NRXN1: variants seen among roughly 807,000 people sequenced by gnomAD.
NRXN1 encodes the protein neurexin-1.
Under a neutral mutation model 150.9 loss-of-function variants are expected in NRXN1, and 39 were observed. The ratio of observed to expected loss-of-function variants is 0.26; its 90% CI spans 0.20 to 0.34. NRXN1 has a LOEUF of 0.34. Among genes scored for constraint, NRXN1 ranks in the 10% least tolerant of loss-of-function variants. The probability of loss-of-function intolerance (pLI) is 1.00; values close to 1 mark genes in which losing one functional copy is unlikely to be tolerated. For synonymous variants in NRXN1, 924 were observed against 757.0 expected (o/e 1.22, Z -3.62); for missense variants, 1,815 against 1,949.9 (o/e 0.93, Z 1.30).
chr2:50,260,740 C>T (rs2068182026), intron 17 of NRXN1, among the ~76,000 whole-genome samples: 2 of 148,102 alleles, frequency 1.4e-5, no homozygotes, highest in South Asian at 4.2e-4. Flanking sequence ...AGTATCAGAG[C>T]AGTGTTAATC....
intron 17 of NRXN1, among the ~76,000 whole-genome samples, chr2:50,400,716 T>A (rs2082337715): frequency 6.6e-6 from 1 of 152,162 alleles, no homozygotes; most frequent in Admixed American, 6.5e-5. Context: ...AGAAAGTATC[T>A]GCTAGAATTC....
intron 5 of NRXN1, among the ~76,000 whole-genome samples, chr2:50,909,563 T>C (rs1343645474): frequency 1.3e-5 from 2 of 152,018 alleles, no homozygotes; most frequent in African/African-American, 2.4e-5. Context: ...TTAAGTGTTA[T>C]CTCTGAGTCC....
At chr2:50,678,430 G>A (rs1689853466) in intron 5 of NRXN1, among the ~76,000 whole-genome samples, 1 of 152,092 alleles carries the variant, frequency 6.6e-6, no homozygotes, top group South Asian at 2.1e-4. Context: ...CAGCTATAAT[G>A]GAAAGTACAA....
chr2:50,458,648 T>C (rs6545171), intron 17 of NRXN1, among the ~76,000 whole-genome samples: 83,556 of 151,332 alleles, frequency 0.55, 26,730 homozygotes, highest in East Asian at 0.92. Flanking sequence ...GGCACAATCT[T>C]GGCTCACTGC....
At chr2:50,579,249 A>G (rs1671889211) in intron 8 of NRXN1, among the ~76,000 whole-genome samples, 1 of 152,142 alleles carries the variant, frequency 6.6e-6, no homozygotes, top group Admixed American at 6.6e-5. Context: ...TCTGATACTA[A>G]GTCTAGGATG....
chr2:50,828,532 G>A (rs1420871006), intron 5 of NRXN1, among the ~76,000 whole-genome samples: 3 of 148,194 alleles, frequency 2.0e-5, no homozygotes, highest in Admixed American at 6.7e-5. Flanking sequence ...GGGCAGAGAC[G>A]CTCCTCACCT....
intron 22 of NRXN1, among the ~76,000 whole-genome samples, chr2:49,936,331 G>A (rs532128528): frequency 2.0e-5 from 3 of 152,288 alleles, no homozygotes; most frequent in African/African-American, 4.8e-5. Context: ...AATGCCTTAT[G>A]AGCGACCTCA....
chr2:50,472,056 AGGC>A (rs1336817964), intron 16 of NRXN1, among the ~76,000 whole-genome samples: 33 of 90,676 alleles, frequency 3.6e-4, no homozygotes, highest in East Asian at 8.8e-4. Context: ...AAGCAAAAAC[AGGC>A]AAAAAAACCA....
At chr2:50,449,157 C>T (rs565791753) in intron 17 of NRXN1, among the ~76,000 whole-genome samples, 8 of 152,236 alleles carry the variant, frequency 5.3e-5, no homozygotes, top group African/African-American at 1.2e-4. Context: ...AATGCATAGA[C>T]GCAGGAATGC....
chr2:50,703,605 G>A (rs184556260), intron 5 of NRXN1, among the ~76,000 whole-genome samples: 6 of 152,142 alleles, frequency 3.9e-5, no homozygotes, highest in Non-Finnish European at 8.8e-5. Context: ...GAAACCCATG[G>A]AGTGCCATAA....
At chr2:50,832,335 T>G (rs1295566477) in intron 5 of NRXN1, among the ~76,000 whole-genome samples, 1 of 152,126 alleles carries the variant, frequency 6.6e-6, no homozygotes, top group African/African-American at 2.4e-5. Flanking sequence ...TATGGATTAA[T>G]TGATTTGGGA....
chr2:50,870,762 A>G (rs1677658040), intron 5 of NRXN1, among the ~76,000 whole-genome samples: 1 of 151,664 alleles, frequency 6.6e-6, no homozygotes, highest in Non-Finnish European at 1.5e-5. Context: ...TTTTTCACTC[A>G]TCACATCCCT....
chr2:50,081,386 G>A (rs953393296), intron 19 of NRXN1, among the ~76,000 whole-genome samples: 1 of 151,906 alleles, frequency 6.6e-6, no homozygotes, highest in African/African-American at 2.4e-5. Flanking sequence ...CGACCATCCT[G>A]GTCAACGTGG....
chr2:50,646,533 C>G (rs1684835767), intron 5 of NRXN1, among the ~76,000 whole-genome samples: 1 of 151,956 alleles, frequency 6.6e-6, no homozygotes. Flanking sequence ...AGAACCAGCT[C>G]TTTGGCTGCA....
chr2:50,837,357 T>C (rs1672261048), intron 5 of NRXN1, among the ~76,000 whole-genome samples: 1 of 152,148 alleles, frequency 6.6e-6, no homozygotes, highest in Admixed American at 6.5e-5. Context: ...CTTGAGGCAG[T>C]AGAGCATAAT....
At chr2:50,476,823 G>C (rs1031325233) in intron 15 of NRXN1, among the ~76,000 whole-genome samples, 4 of 152,052 alleles carry the variant, frequency 2.6e-5, no homozygotes, top group African/African-American at 9.7e-5. Context: ...CGGTGGCATT[G>C]AATCTGGTAA....
chr2:50,371,785 T>C (rs1226725752), intron 17 of NRXN1, among the ~76,000 whole-genome samples: 1 of 151,874 alleles, frequency 6.6e-6, no homozygotes, highest in Non-Finnish European at 1.5e-5. Flanking sequence ...GATATTTTTA[T>C]ATTTATAAAA....
chr2:50,364,172 TG>T (rs768433519), intron 17 of NRXN1, among the ~76,000 whole-genome samples: 7 of 152,226 alleles, frequency 4.6e-5, no homozygotes, highest in Middle Eastern at 3.4e-3. Context: ...CAAACCACCA[TG>T]GCACATGTTT....
At chr2:50,668,394 T>G (rs1688367573) in intron 5 of NRXN1, among the ~76,000 whole-genome samples, 1 of 152,042 alleles carries the variant, frequency 6.6e-6, no homozygotes, top group African/African-American at 2.4e-5. Flanking sequence ...GCTTATTAAA[T>G]CATTACTGCA....
Sources: allele counts gnomAD v4.1 joint callset (sites outside exome capture counted in the v4.1 genomes callset), GRCh38; gene constraint gnomAD v4.1.1; transcripts MANE v1.5; gene names NCBI Gene and HGNC (gene_info 2026-07-23, HGNC 2026-07-21).